CDKN2B-AS1: variants seen among roughly 807,000 people sequenced by gnomAD.
CDKN2B-AS1 encodes the protein CDKN2B and CDKN2A antisense cis and trans regulatory RNA 1.
intron 4 of CDKN2B-AS1, among the ~76,000 whole-genome samples, chr9:22,090,811 G>A (rs1825054740): frequency 6.6e-6 from 1 of 152,108 alleles, no homozygotes; most frequent in Admixed American, 6.5e-5. Context: ...CTTTTGCTGT[G>A]CAGAAGTTCT....
At chr9:22,034,133 G>A (rs968399157) in intron 1 of CDKN2B-AS1, among the ~76,000 whole-genome samples, 1 of 152,274 alleles carries the variant, frequency 6.6e-6, no homozygotes, top group Non-Finnish European at 1.5e-5. Flanking sequence ...ACATGTGGTG[G>A]GATAGATAAG....
intron 4 of CDKN2B-AS1, among the ~76,000 whole-genome samples, chr9:22,069,515 CT>C (rs1824201313): frequency 6.6e-6 from 1 of 151,720 alleles, no homozygotes. Context: ...TTCTTTTTTG[CT>C]TTTTATTTAT....
chr9:22,009,225 C>A (rs1821366985), intron 1 of CDKN2B-AS1: 6 of 580,678 alleles, frequency 1.0e-5, no homozygotes, highest in Non-Finnish European at 1.8e-5. Flanking sequence ...AGCGCGGACG[C>A]AGCCGAGCTC....
intron 4 of CDKN2B-AS1, among the ~76,000 whole-genome samples, chr9:22,061,204 C>A (rs1449956312): frequency 6.6e-6 from 1 of 152,172 alleles, no homozygotes; most frequent in Non-Finnish European, 1.5e-5. Context: ...ACCATCACAG[C>A]TGGAAGTTCT....
intron 4 of CDKN2B-AS1, among the ~76,000 whole-genome samples, chr9:22,106,792 T>G (rs189142847): frequency 6.6e-6 from 1 of 152,314 alleles, no homozygotes; most frequent in African/African-American, 2.4e-5. Flanking sequence ...AACCAAAAGT[T>G]ACTGAAAACT....
At chr9:22,028,765 G>C (rs1822342785) in intron 1 of CDKN2B-AS1, among the ~76,000 whole-genome samples, 1 of 152,116 alleles carries the variant, frequency 6.6e-6, no homozygotes, top group East Asian at 1.9e-4. Context: ...TATGGTTTGT[G>C]AAACATTTAT....
chr9:22,037,380 T>C lies in CDKN2B-AS1; in HGVS notation n.30-9371T>C, dbSNP rs562727116. ...ACTTCTATCTCTAGCCATGTCTCAG[T>C]GCTGGGTGACTCTCTCCTGGCATGT... On this transcript the variant is annotated intron_variant and non_coding_transcript_variant, in intron 1 of 4. Transcript: ENST00000650946. Among the ~76,000 whole-genome samples, 155 of 152,152 alleles carry C rather than the reference T, an allele frequency of 1.0e-3. 5 individuals are homozygous for C. The South Asian group carries it at 0.031, about 31-fold the overall frequency.
chr9:22,064,512 A>G (rs1220287968), intron 4 of CDKN2B-AS1, among the ~76,000 whole-genome samples: 2 of 152,186 alleles, frequency 1.3e-5, no homozygotes, highest in African/African-American at 4.8e-5. Context: ...AGGGGAGGCA[A>G]ATTGACTTTC....
Position 22,011,179 on chromosome 9 carries a change from C to T in CDKN2B-AS1, n.29+16018C>T, listed in dbSNP as rs1384217379. 7.2e-5 allele frequency among the ~76,000 whole-genome samples: 11 copies of T among 152,348 alleles called. No individual in the cohort carries two copies. The East Asian group carries it at 2.1e-3, about 29-fold the overall frequency. Reference sequence around the variant, plus strand: ...CTCCAGACAGAATTCTAAAGCTTCACACTTGATCTTCCAAAGCCCCTTTTC... The same window carrying T: ...CTCCAGACAGAATTCTAAAGCTTCATACTTGATCTTCCAAAGCCCCTTTTC... On this transcript the variant is annotated intron_variant and non_coding_transcript_variant, in intron 1 of 4. Transcript: ENST00000650946.
At chr9:22,093,139 T>G (rs1036888867) in intron 4 of CDKN2B-AS1, among the ~76,000 whole-genome samples, 1 of 150,314 alleles carries the variant, frequency 6.7e-6, no homozygotes, top group African/African-American at 2.5e-5. Context: ...CGGTTTTGAG[T>G]GAGTTTCTTA....
At chr9:22,097,071 GC>G (rs1825305782) in intron 4 of CDKN2B-AS1, among the ~76,000 whole-genome samples, 1 of 152,118 alleles carries the variant, frequency 6.6e-6, no homozygotes, top group Non-Finnish European at 1.5e-5. Context: ...CATACCAAAG[GC>G]CATCAGGGAG....
chr9:22,085,745 C>G (rs988086088), intron 4 of CDKN2B-AS1, among the ~76,000 whole-genome samples: 2 of 150,962 alleles, frequency 1.3e-5, no homozygotes, highest in African/African-American at 4.9e-5. Context: ...AAAAAAGTCC[C>G]TCTCTTTATA....
chr9:22,101,128 T>G (rs1825469589), intron 4 of CDKN2B-AS1, among the ~76,000 whole-genome samples: 2 of 152,326 alleles, frequency 1.3e-5, no homozygotes, highest in Middle Eastern at 3.4e-3. Context: ...TTCCTCTACC[T>G]TTCAGAGACA....
At chr9:22,122,090 T>C (rs1293608578) in intron 4 of CDKN2B-AS1, among the ~76,000 whole-genome samples, 1 of 151,320 alleles carries the variant, frequency 6.6e-6, no homozygotes, top group Non-Finnish European at 1.5e-5. Context: ...TTGACAATAG[T>C]CATCCTAACT....
intron 1 of CDKN2B-AS1, among the ~76,000 whole-genome samples, chr9:22,017,102 G>T (rs2106120): frequency 0.56 from 85,178 of 152,016 alleles, 24,907 homozygotes; most frequent in African/African-American, 0.69. Flanking sequence ...AAGAATTACT[G>T]GTTTTATTTT....
At chr9:22,069,734 C>T (rs1277197541) in intron 4 of CDKN2B-AS1, among the ~76,000 whole-genome samples, 1 of 152,172 alleles carries the variant, frequency 6.6e-6, no homozygotes, top group Non-Finnish European at 1.5e-5. Context: ...CATAGTCACT[C>T]TACTGTGCAA....
chr9:22,007,620 T>G (rs1446297115), intron 1 of CDKN2B-AS1, among the ~76,000 whole-genome samples: 1 of 152,166 alleles, frequency 6.6e-6, no homozygotes, highest in Non-Finnish European at 1.5e-5. Flanking sequence ...GGCAGTATAC[T>G]TCTCATGTTT....
Position 22,071,284 on chromosome 9 carries a change from GCTTT to G in CDKN2B-AS1, n.438+14898_438+14901del, listed in dbSNP as rs1292671500. ...CAGAGGCCAGGCTTAGAAATATCTA[GCTTT>G]TTTTTTTTTTTTTTTTTTTTTTTTT... On this transcript the variant is annotated intron_variant and non_coding_transcript_variant, in intron 4 of 4. Transcript: ENST00000650946. 3.0e-3 allele frequency among the ~76,000 whole-genome samples: 234 copies of G among 77,480 alleles called. 3 individuals carry two copies. Among genetic ancestry groups the G allele is most frequent in the African/African-American group, 0.013 (217 of 16,598 alleles). 50.8% of individuals were successfully genotyped at this position (77,480 alleles called of 152,430 possible). A position where few individuals can be genotyped will look rare whatever the true frequency, so the allele number is the denominator to read the frequency against.
At chr9:22,049,575 C>T (rs1415693192) in intron 3 of CDKN2B-AS1, among the ~76,000 whole-genome samples, 1 of 152,114 alleles carries the variant, frequency 6.6e-6, no homozygotes, top group African/African-American at 2.4e-5. Context: ...AGCCAGGGCA[C>T]ATGGGCCAAC....
Sources: gnomAD v4.1 joint callset for allele counts (sites outside exome capture counted in the v4.1 genomes callset) on GRCh38, gnomAD v4.1.1 for gene constraint, MANE v1.5 for transcripts, NCBI Gene and HGNC (gene_info 2026-07-23, HGNC 2026-07-21) for gene names.